CACNA1E: variants seen among roughly 807,000 people sequenced by gnomAD.
CACNA1E encodes the protein calcium voltage-gated channel subunit alpha1 E, also known as voltage-dependent R-type calcium channel subunit alpha-1E.
Under a neutral mutation model 259.2 loss-of-function variants are expected in CACNA1E, and 40 were observed. The ratio of observed to expected loss-of-function variants is 0.15; its 90% CI spans 0.12 to 0.20. The LOEUF is 0.20. CACNA1E is among the 10% of genes least tolerant of loss of function. CACNA1E has a pLI of 1.00. For synonymous variants in CACNA1E, 1,104 were observed against 1,138.5 expected (o/e 0.97, Z 0.61); for missense variants, 1,874 against 3,040.1 (o/e 0.62, Z 9.02).
intron 27 of CACNA1E, among the ~76,000 whole-genome samples, chr1:181,752,837 A>G (rs1000352285): frequency 3.9e-5 from 6 of 151,976 alleles, no homozygotes; most frequent in Non-Finnish European, 8.8e-5. Flanking sequence ...TCTTACCCAG[A>G]TTTCTCCTTG....
intron 1 of CACNA1E, among the ~76,000 whole-genome samples, chr1:181,342,748 C>G (rs1250455456): frequency 6.6e-6 from 1 of 152,168 alleles, no homozygotes; most frequent in Non-Finnish European, 1.5e-5. Flanking sequence ...TAGTGGTTGT[C>G]TTTGGCAGAG....
chr1:181,452,161 C>T (rs1229682192), intron 2 of CACNA1E, among the ~76,000 whole-genome samples: 1 of 152,128 alleles, frequency 6.6e-6, no homozygotes, highest in Non-Finnish European at 1.5e-5. Flanking sequence ...AGAGGCTGCT[C>T]CTTGGGTGAG....
At chr1:181,515,750 TC>T (rs1433112920) in intron 3 of CACNA1E, among the ~76,000 whole-genome samples, 1 of 152,164 alleles carries the variant, frequency 6.6e-6, no homozygotes, top group Non-Finnish European at 1.5e-5. Context: ...TCAAGGGTAC[TC>T]CTAAATCATG....
At chr1:181,780,264 C>T (rs375127193) in intron 38 of CACNA1E, among the ~76,000 whole-genome samples, 18 of 152,166 alleles carry the variant, frequency 1.2e-4, no homozygotes, top group African/African-American at 4.1e-4. Context: ...TGTGAGGGAT[C>T]TGAGGGAGCT....
intron 3 of CACNA1E, among the ~76,000 whole-genome samples, chr1:181,528,345 C>G (rs1465490297): frequency 6.6e-6 from 1 of 152,158 alleles, no homozygotes; most frequent in East Asian, 1.9e-4. Context: ...CCAAGTGGAA[C>G]TGGAAGTCTC....
intron 1 of CACNA1E, among the ~76,000 whole-genome samples, chr1:181,396,624 C>T (rs752331533): frequency 7.9e-5 from 12 of 152,178 alleles, no homozygotes; most frequent in East Asian, 1.9e-4. Context: ...TATGTTTGCA[C>T]ATTGATAGGA....
At chr1:181,589,065 G>A (rs1461626782) in intron 6 of CACNA1E, among the ~76,000 whole-genome samples, 1 of 152,196 alleles carries the variant, frequency 6.6e-6, no homozygotes. Flanking sequence ...GTCCATCTTG[G>A]AATCATCCAG....
chr1:181,354,143 A>C (rs971450387), intron 1 of CACNA1E, among the ~76,000 whole-genome samples: 17 of 129,050 alleles, frequency 1.3e-4, no homozygotes, highest in Non-Finnish European at 2.2e-4. Flanking sequence ...AGGGCAGAGG[A>C]CTTTTTTTTT....
chr1:181,762,723 G>T (rs1441889022), intron 33 of CACNA1E, 66 bp downstream of exon 33: 2 of 897,832 alleles, frequency 2.2e-6, no homozygotes, highest in Non-Finnish European at 3.6e-6. Flanking sequence ...AAACTCCTCT[G>T]TATATTCAGT....
chr1:181,721,483 C>A (rs1294967155), intron 15 of CACNA1E, among the ~76,000 whole-genome samples: 4 of 152,084 alleles, frequency 2.6e-5, no homozygotes, highest in Non-Finnish European at 5.9e-5. Flanking sequence ...AAGGACCTTG[C>A]AAAACTGGAG....
intron 2 of CACNA1E, among the ~76,000 whole-genome samples, chr1:181,418,277 A>C (rs1029055473): frequency 2.6e-5 from 4 of 152,182 alleles, no homozygotes; most frequent in African/African-American, 9.6e-5. Context: ...GTACAGGTGA[A>C]AGTGTTTTGT....
chr1:181,776,309 C>T lies in CACNA1E; in HGVS notation c.5267+81C>T. 7.2e-7 allele frequency: 1 copy of T among 1,396,634 alleles called. No individual in the cohort carries two copies. The highest frequency in any genetic ancestry group is 1.4e-5 in the African/African-American group (1 of 70,720). 86.5% of individuals were successfully genotyped at this position (1,396,634 alleles called of 1,614,324 possible). On this transcript the variant is annotated intron_variant, in intron 38 of 47. Transcript: ENST00000367573. This position sits in a 1 kb window ranked among gnomAD's most constrained non-coding sequence, Gnocchi z 4.4. ...CCCAGGGAAGAGGCTGGAATTGGAG[C>T]CACCCAAATGCCTGCCTGTTACAGA...
At chr1:181,427,535 C>CTCAACCCCTCCCCAACT (rs1479237781) in intron 2 of CACNA1E, among the ~76,000 whole-genome samples, 1 of 148,744 alleles carries the variant, frequency 6.7e-6, no homozygotes, top group Non-Finnish European at 1.5e-5. Flanking sequence ...CCTCCTCCAT[C>CTCAACCCCTCCCCAACT]TCAACCCCTC....
intron 1 of CACNA1E, among the ~76,000 whole-genome samples, chr1:181,397,589 C>A (rs1007797400): frequency 1.3e-5 from 2 of 152,190 alleles, no homozygotes; most frequent in Admixed American, 6.5e-5. Flanking sequence ...TGAGCCACTG[C>A]GCCTGGACAG....
chr1:181,741,704 G>C (rs1165113321), intron 25 of CACNA1E, among the ~76,000 whole-genome samples: 4 of 152,226 alleles, frequency 2.6e-5, no homozygotes, highest in African/African-American at 9.7e-5. Flanking sequence ...GAGCAGTGAT[G>C]ATGTGCAGTA....
intron 3 of CACNA1E, among the ~76,000 whole-genome samples, chr1:181,551,893 CT>C (rs1383472066): frequency 6.6e-5 from 10 of 152,188 alleles, no homozygotes; most frequent in Non-Finnish European, 5.9e-5. Context: ...TCCTTCCCCC[CT>C]CCTTTCCTTG....
At chr1:181,768,020 T>C (rs1659176747) in intron 35 of CACNA1E, among the ~76,000 whole-genome samples, 1 of 152,254 alleles carries the variant, frequency 6.6e-6, no homozygotes, top group South Asian at 2.1e-4. Context: ...TGTGTAATGA[T>C]CAAATCAGGG....
chr1:181,604,330 C>T (rs139049850), intron 6 of CACNA1E, among the ~76,000 whole-genome samples: 118 of 152,250 alleles, frequency 7.8e-4, no homozygotes, highest in Non-Finnish European at 1.5e-3. Flanking sequence ...TTTAGATATC[C>T]GGGTTCAATA....
At chr1:181,792,413 C>T (rs1572906527) in intron 44 of CACNA1E, among the ~76,000 whole-genome samples, 1 of 152,322 alleles carries the variant, frequency 6.6e-6, no homozygotes, top group South Asian at 2.1e-4. Flanking sequence ...CCAGGCGTGG[C>T]CATGATTGTG....
Sources: gnomAD v4.1 joint callset for allele counts (sites outside exome capture counted in the v4.1 genomes callset) on GRCh38, gnomAD v4.1.1 for gene constraint, Gnocchi (gnomAD v3.1) non-coding constraint, MANE v1.5 for transcripts, NCBI Gene and HGNC (gene_info 2026-07-23, HGNC 2026-07-21) for gene names.